SMARCAD1: variants seen among roughly 807,000 people sequenced by gnomAD.
SMARCAD1 encodes the protein SNF2 related chromatin remodeling ATPase with DExD box 1.
Under a neutral mutation model 127.1 loss-of-function variants are expected in SMARCAD1, and 25 were observed. The ratio of observed to expected loss-of-function variants is 0.20; its 90% confidence interval spans 0.14 to 0.27. The LOEUF (loss-of-function observed/expected upper bound fraction) is 0.27, where lower values mean the gene tolerates loss of function less well. Ranked by LOEUF, SMARCAD1 falls within the 10% of genes least tolerant of loss-of-function variation. The probability of loss-of-function intolerance (pLI) is 1.00; values close to 1 mark genes in which losing one functional copy is unlikely to be tolerated. For synonymous variants in SMARCAD1, 400 were observed against 396.9 expected (o/e 1.01, Z -0.09); for missense variants, 807 against 1,206.0 (o/e 0.67, Z 4.90).
chr4:94,234,547 C>G (rs1746342235), intron 4 of SMARCAD1, among the ~76,000 whole-genome samples: 2 of 152,106 alleles, frequency 1.3e-5, no homozygotes, highest in African/African-American at 4.8e-5. Context: ...TAAGGATAGT[C>G]CTGCCAGTAG....
intron 6 of SMARCAD1, among the ~76,000 whole-genome samples, chr4:94,248,107 TTCTGATTC>T (rs1748733520): frequency 6.6e-6 from 1 of 152,184 alleles, no homozygotes; most frequent in Non-Finnish European, 1.5e-5. Context: ...TATTTGATTT[TTCTGATTC>T]CACATTAGCT....
At chr4:94,226,533 A>G (rs1745047267) in intron 3 of SMARCAD1, among the ~76,000 whole-genome samples, 1 of 143,510 alleles carries the variant, frequency 7.0e-6, no homozygotes, top group Non-Finnish European at 1.5e-5. Context: ...TTTTTTGATA[A>G]CAGTGATTTT....
chr4:94,282,100 G>GTTTTTTTTTTTTTTT lies in SMARCAD1; in HGVS notation c.2726+513_2726+527dup, dbSNP rs70946518. Among the ~76,000 whole-genome samples the GTTTTTTTTTTTTTTT allele has an allele frequency of 5.3e-5, 4 of 74,964 alleles. 1 individual carries two copies. Among genetic ancestry groups the GTTTTTTTTTTTTTTT allele is most frequent in the Non-Finnish European group, 9.1e-5 (4 of 44,148 alleles). The allele number at this position is 74,964 out of a possible 152,430, so 49.2% of individuals were successfully genotyped here. On this transcript the variant is annotated intron_variant, in intron 21 of 23. Transcript: ENST00000354268. ...GAATTACATGCAAATACGTTTTTTTGTTTTTTTTTTTTTTTTTGAGACGGA... is the reference window on the plus strand; with the variant it reads ...GAATTACATGCAAATACGTTTTTTTGTTTTTTTTTTTTTTTTTTTTTTTTTTTTTTTTGAGACGGA...
chr4:94,232,897 T>G (rs541318242), intron 3 of SMARCAD1, among the ~76,000 whole-genome samples: 3 of 152,212 alleles, frequency 2.0e-5, no homozygotes, highest in Admixed American at 6.5e-5. Flanking sequence ...GGAGGATTGC[T>G]AGAGCCTGTA....
At position 94,232,872 on chromosome 4, in the gene SMARCAD1, C is replaced by G. The variant is rs528490978; in HGVS notation, c.369-1082C>G. 3.3e-5 allele frequency among the ~76,000 whole-genome samples: 5 copies of G among 152,154 alleles called. No individual in the cohort carries two copies. The South Asian group carries it at 1.0e-3, about 32-fold the overall frequency. On this transcript the variant is annotated intron_variant, in intron 3 of 23. Coordinates refer to ENST00000354268, the MANE Select transcript of SMARCAD1 (RefSeq NM_020159.5). The stretch of plus-strand genomic sequence containing the variant: ...GCAAGCACCTGTGGTCTCAGCTACT[C>G]AGGAGGCTGAGGTGGGAGGATTGCT...
rs148335361 is a variant in SMARCAD1, at chr4:94,272,978, T to C, written c.1573-639T>C. On this transcript the variant is annotated intron_variant, in intron 11 of 23. Coordinates refer to ENST00000354268, the MANE Select transcript of SMARCAD1 (RefSeq NM_020159.5). ...ATGCGCCACCATGCCTGGCTAATTT[T>C]GTATTTTTGTAGAGATGGAGTTTTG... 1.1e-3 allele frequency among the ~76,000 whole-genome samples: 167 copies of C among 151,988 alleles called. 2 individuals are homozygous for C. The East Asian group carries it at 0.029, about 26-fold the overall frequency.
rs555565727 is a variant in SMARCAD1, at chr4:94,214,570, G to A, written c.190+5986G>A. ...CATGAGCCACCGCACCTGGCCAAGC[G>A]TTTGTTAACCAAGGACAAGAAGCTA... On this transcript the variant is annotated intron_variant, in intron 2 of 23. Transcript: ENST00000354268. Among the ~76,000 whole-genome samples, 5 of 152,030 alleles carry A rather than the reference G, an allele frequency of 3.3e-5. No homozygotes were observed. The East Asian group carries it at 7.8e-4, about 24-fold the overall frequency.
intron 9 of SMARCAD1, among the ~76,000 whole-genome samples, chr4:94,254,199 A>C (rs1749714665): frequency 6.6e-6 from 1 of 152,162 alleles, no homozygotes; most frequent in Non-Finnish European, 1.5e-5. Flanking sequence ...TTTTCCAGAG[A>C]ACATCTGTCA....
chr4:94,285,148 A>G (rs1754750563), intron 23 of SMARCAD1, 79 bp downstream of exon 23: 16 of 922,858 alleles, frequency 1.7e-5, no homozygotes, highest in Non-Finnish European at 2.9e-5. Flanking sequence ...GAGGATGACA[A>G]AGATGGCTAC....
chr4:94,232,830 C>CA (rs1224533774), intron 3 of SMARCAD1, among the ~76,000 whole-genome samples: 21 of 100,796 alleles, frequency 2.1e-4, no homozygotes, highest in Non-Finnish European at 4.6e-4. Context: ...ACAAAAAACA[C>CA]AAAAATAGGT....
chr4:94,277,951 C>T (rs547347755), intron 16 of SMARCAD1, among the ~76,000 whole-genome samples: 1 of 152,250 alleles, frequency 6.6e-6, no homozygotes, highest in East Asian at 1.9e-4. Flanking sequence ...CTTAATTCTC[C>T]AGAGTCACCA....
intron 6 of SMARCAD1, among the ~76,000 whole-genome samples, 184 bp from the exon 7 acceptor site, chr4:94,249,470 G>T (rs564549326): frequency 6.6e-6 from 1 of 151,898 alleles, no homozygotes; most frequent in Non-Finnish European, 1.5e-5. Flanking sequence ...TCTTAAGTCA[G>T]CAATATTTTT....
At chr4:94,217,378 A>G (rs1044673301) in intron 2 of SMARCAD1, among the ~76,000 whole-genome samples, 1 of 151,948 alleles carries the variant, frequency 6.6e-6, no homozygotes, top group African/African-American at 2.4e-5. Context: ...TCTAATCTTA[A>G]TTTACCAGAT....
intron 2 of SMARCAD1, among the ~76,000 whole-genome samples, chr4:94,216,612 T>A (rs1743241758): frequency 6.6e-6 from 1 of 152,204 alleles, no homozygotes. Flanking sequence ...GAACAACTAC[T>A]CCTCATTTCT....
chr4:94,252,718 A>G lies in SMARCAD1; in HGVS notation c.992A>G (p.Lys331Arg). 6.3e-7 allele frequency: 1 copy of G among 1,595,302 alleles called. No homozygotes were observed. The highest frequency in any genetic ancestry group is 8.5e-7 in the Non-Finnish European group (1 of 1,172,272). Residue 331 changes from lysine to arginine, a missense_variant, in exon 9 of 24, where the codon AAA becomes AGA. By Grantham distance (26) the Lys-to-Arg change is conservative. This residue lies in a region of SMARCAD1 where 257 missense variants were observed against 303.4 expected (regional missense o/e 0.85). Coordinates refer to ENST00000354268, the MANE Select transcript of SMARCAD1 (RefSeq NM_020159.5). ...KNATKTKLKQ[K>R]FSMKAQNGFN... ...GCAACTAAAACAAAACTAAAACAGA[A>G]ATTTTCAATGAAAGCACAAAATGGC...
intron 12 of SMARCAD1, among the ~76,000 whole-genome samples, chr4:94,273,956 G>A (rs1051468925): frequency 1.3e-5 from 2 of 152,138 alleles, no homozygotes; most frequent in Admixed American, 6.5e-5. Context: ...GACCAAGGAC[G>A]ATTTATGTTG....
chr4:94,208,870 G>A (rs923908050), intron 2 of SMARCAD1, among the ~76,000 whole-genome samples: 4 of 152,168 alleles, frequency 2.6e-5, no homozygotes, highest in Non-Finnish European at 4.4e-5. Flanking sequence ...GCTATTGGAA[G>A]AGCGATGTCA....
chr4:94,213,338 T>C (rs567701096), intron 2 of SMARCAD1, among the ~76,000 whole-genome samples: 8 of 152,230 alleles, frequency 5.3e-5, no homozygotes, highest in African/African-American at 1.7e-4. Context: ...AAATCATTGT[T>C]TACTGGGTGA....
At chr4:94,220,224 T>C (rs1274179574) in intron 2 of SMARCAD1, among the ~76,000 whole-genome samples, 3 of 152,176 alleles carry the variant, frequency 2.0e-5, no homozygotes, top group African/African-American at 7.2e-5. Flanking sequence ...TGATATATTA[T>C]AAACGGCTTT....
Sources: gnomAD v4.1 joint callset for allele counts (sites outside exome capture counted in the v4.1 genomes callset) on GRCh38, gnomAD v4.1.1 for gene constraint, gnomAD v4.1.1 regional missense constraint, MANE v1.5 for transcripts, NCBI Gene and HGNC (gene_info 2026-07-23, HGNC 2026-07-21) for gene names.